The following KANK1 variants were observed in gnomAD, a reference collection of about 807,000 sequenced individuals.
KANK1 encodes the protein KN motif and ankyrin repeat domain-containing protein 1.
In KANK1, 109 loss-of-function variants were observed where a neutral mutation model predicts 106.2. The ratio of observed to expected loss-of-function variants is 1.03; its 90% confidence interval spans 0.88 to 1.20. The LOEUF (loss-of-function observed/expected upper bound fraction) is 1.20, where lower values mean the gene tolerates loss of function less well. KANK1 is among the 50% of genes most tolerant of loss of function. KANK1 has a pLI of 0.00. For synonymous variants in KANK1, 873 were observed against 652.2 expected (o/e 1.34, Z -5.16); for missense variants, 2,399 against 1,710.7 (o/e 1.40, Z -7.10).
chr9:519,280 C>T (rs1587454671), intron 1 of KANK1, among the ~76,000 whole-genome samples: 1 of 151,894 alleles, frequency 6.6e-6, no homozygotes, highest in Middle Eastern at 3.4e-3. Context: ...ATCTGTCAGC[C>T]TTAACTTAGT....
rs139874972 is a variant in KANK1 at position 683,475 on chromosome 9, A to G, written c.37+6466A>G. Among the ~76,000 whole-genome samples, 437 of 152,284 alleles carry G rather than the reference A, an allele frequency of 2.9e-3. 3 individuals are homozygous for G. The highest frequency in any genetic ancestry group is 9.4e-3 in the African/African-American group (390 of 41,540). On this transcript the variant is annotated intron_variant, in intron 2 of 11. Coordinates refer to ENST00000382297, the MANE Select transcript of KANK1 (RefSeq NM_015158.5). ...TCCTTCCATACTCTCAGATGACAAA[A>G]CACAAGTTGCTGAGCTCACACAGCT...
intron 11 of KANK1, 119 bp from the exon 12 acceptor site, chr9:745,054 C>A: frequency 1.3e-6 from 2 of 1,530,136 alleles, no homozygotes; most frequent in Non-Finnish European, 1.8e-6. Context: ...CCAGAGCTCT[C>A]CTGGCTCGGG....
upstream of KANK1, among the ~76,000 whole-genome samples, chr9:502,352 ATAAC>A (rs1394881856): frequency 3.3e-5 from 5 of 152,338 alleles, no homozygotes; most frequent in South Asian, 6.2e-4. Context: ...TGTCAATAAA[ATAAC>A]TAAATTAAAA....
At chr9:492,705 C>G (rs1202020030) in intron 3 of KANK1, among the ~76,000 whole-genome samples, 3 of 151,986 alleles carry the variant, frequency 2.0e-5, no homozygotes, top group Non-Finnish European at 4.4e-5. Flanking sequence ...CCAAAACATG[C>G]TTTTGAGAAA....
At chr9:643,138 A>G (rs1838853884) in intron 1 of KANK1, among the ~76,000 whole-genome samples, 1 of 150,814 alleles carries the variant, frequency 6.6e-6, no homozygotes, top group African/African-American at 2.5e-5. Flanking sequence ...GTTTTGAACC[A>G]AGGATCTGTT....
intron 1 of KANK1, among the ~76,000 whole-genome samples, chr9:598,731 A>C (rs1206862963): frequency 7.2e-6 from 1 of 138,588 alleles, no homozygotes; most frequent in Admixed American, 7.7e-5. Context: ...CCTGGGTTCA[A>C]GCGATTCTCA....
intron 1 of KANK1, among the ~76,000 whole-genome samples, chr9:643,347 A>T (rs1838897898): frequency 6.6e-6 from 1 of 150,796 alleles, no homozygotes; most frequent in Admixed American, 6.6e-5. Context: ...TTGCCATTTA[A>T]AAACATCTTT....
chr9:566,126 C>T (rs1330966594), intron 1 of KANK1, among the ~76,000 whole-genome samples: 1 of 152,176 alleles, frequency 6.6e-6, no homozygotes, highest in Non-Finnish European at 1.5e-5. Context: ...ATTTGGTTTT[C>T]TGTTCCTGCG....
At chr9:642,139 G>T (rs7041823) in intron 1 of KANK1, among the ~76,000 whole-genome samples, 4,267 of 152,232 alleles carry the variant, frequency 0.028, 222 homozygotes, top group African/African-American at 0.098. Flanking sequence ...TTTCTGTGCG[G>T]ATTAAACCAG....
At chr9:604,981 G>A (rs574465988) in intron 1 of KANK1, among the ~76,000 whole-genome samples, 1 of 151,826 alleles carries the variant, frequency 6.6e-6, no homozygotes, top group Non-Finnish European at 1.5e-5. Flanking sequence ...ATGTCTGACA[G>A]TTTGCAAATA....
intron 1 of KANK1, among the ~76,000 whole-genome samples, chr9:563,557 A>G (rs1817037628): frequency 6.6e-6 from 1 of 152,200 alleles, no homozygotes; most frequent in South Asian, 2.1e-4. Context: ...ACAATCCTTC[A>G]GTGTAGGATC....
At position 693,571 on chromosome 9, in the gene KANK1, G is replaced by C. The variant is rs1230329675; in HGVS notation, c.37+16562G>C. ...GCAGTTTTGTTTGTTGGTAATTTTT[G>C]CTGTCTCACTGACGCCAAGAGTCCT... is the stretch of plus-strand genomic sequence containing the variant. On this transcript the variant is annotated intron_variant, in intron 2 of 11. Transcript: ENST00000382297. The C allele has an allele frequency of 3.0e-6, 3 of 985,248 alleles. No individual in the cohort carries two copies. The East Asian group carries it at 3.4e-4, about 112-fold the overall frequency. 61.0% of individuals were successfully genotyped at this position (985,248 alleles called of 1,614,324 possible).
rs36072780 is a variant in KANK1 at position 528,469 on chromosome 9, C to CTTTTT, written c.-84+23741_-84+23745dup. On this transcript the variant is annotated intron_variant, in intron 1 of 11. Transcript: ENST00000382297. ...ACCATTTTACTGAATTAAAAAATAA[C>CTTTTT]TTTTTTTTTTTTTTTTTTTTTTTTT... Among the ~76,000 whole-genome samples the CTTTTT allele has an allele frequency of 2.8e-4, 24 of 85,122 alleles. 1 individual carries two copies. Among genetic ancestry groups the CTTTTT allele is most frequent in the African/African-American group, 4.2e-4 (10 of 23,622 alleles). 55.8% of individuals were successfully genotyped at this position (85,122 alleles called of 152,430 possible).
At chr9:568,177 A>G (rs998594305) in intron 1 of KANK1, among the ~76,000 whole-genome samples, 1 of 152,240 alleles carries the variant, frequency 6.6e-6, no homozygotes, top group East Asian at 1.9e-4. Context: ...TACCTTATCT[A>G]TAATGCATGT....
At chr9:732,298 C>G (rs1458556851) in intron 5 of KANK1, 80 bp from the exon 6 acceptor site, 26 of 1,504,064 alleles carry the variant, frequency 1.7e-5, no homozygotes, top group Non-Finnish European at 2.2e-5. Flanking sequence ...AGTCAATTAG[C>G]AAATCCCTTC....
chr9:599,021 T>TTA (rs904781589), intron 1 of KANK1, among the ~76,000 whole-genome samples: 1 of 56,940 alleles, frequency 1.8e-5, no homozygotes, highest in Non-Finnish European at 5.5e-5. Flanking sequence ...ATTATTATTA[T>TTA]TTTTTTTTTT....
intron 1 of KANK1, among the ~76,000 whole-genome samples, chr9:626,754 T>C (rs997997314): frequency 6.6e-6 from 1 of 152,186 alleles, no homozygotes; most frequent in Non-Finnish European, 1.5e-5. Context: ...AAGCACACAG[T>C]ACTCTCACAT....
intron 1 of KANK1, among the ~76,000 whole-genome samples, chr9:648,548 A>G (rs923704446): frequency 6.6e-6 from 1 of 152,176 alleles, no homozygotes; most frequent in African/African-American, 2.4e-5. Flanking sequence ...CTAGGCTCTG[A>G]GCGCGAGGCT....
intron 1 of KANK1, among the ~76,000 whole-genome samples, chr9:515,236 T>C (rs1451993833): frequency 1.3e-5 from 2 of 150,952 alleles, no homozygotes; most frequent in African/African-American, 4.9e-5. Flanking sequence ...TCCCAGCTAC[T>C]CGGGAGGCTG....
Sources: gnomAD v4.1 joint callset for allele counts (sites outside exome capture counted in the v4.1 genomes callset) on GRCh38, gnomAD v4.1.1 for gene constraint, MANE v1.5 for transcripts, NCBI Gene and HGNC (gene_info 2026-07-23, HGNC 2026-07-21) for gene names.